The following UBR4 variants were observed in gnomAD, a reference collection of about 807,000 sequenced individuals.
The protein encoded by UBR4 is E3 ubiquitin-protein ligase UBR4.
Under a neutral mutation model 575.6 loss-of-function variants are expected in UBR4, and 124 were observed. That is an observed-to-expected ratio of 0.22 (90% confidence interval 0.19 to 0.25). The LOEUF (loss-of-function observed/expected upper bound fraction) is 0.25, where lower values mean the gene tolerates loss of function less well. UBR4 is among the 10% of genes least tolerant of loss of function. UBR4 has a pLI of 1.00. For missense variants in UBR4, 4,818 were observed against 6,478.8 expected, an observed-to-expected ratio of 0.74 and a Z score of 8.80; for synonymous variants, 2,455 against 2,473.7, an observed-to-expected ratio of 0.99 and a Z score of 0.22.
intron 49 of UBR4, 52 bp downstream of exon 49, chr1:19,150,525 G>A (rs1000104443): frequency 2.7e-5 from 42 of 1,578,010 alleles, no homozygotes; most frequent in Non-Finnish European, 3.5e-5. Flanking sequence ...GGAAGGTTCT[G>A]CAGTGAGTGG....
Position 19,195,969 on chromosome 1 carries a change from T to TACACACAC in UBR4, c.1018+1164_1018+1171dup, listed in dbSNP as rs55820713. ...GCCATAAAACCTACAGACTTACTTA[T>TACACACAC]ACACACACACACACACACACACACA... On this transcript the variant is annotated intron_variant, in intron 8 of 105. Transcript: ENST00000375254. Among the ~76,000 whole-genome samples the TACACACAC allele has an allele frequency of 6.8e-3, 916 of 134,106 alleles. 9 individuals are homozygous for TACACACAC. The highest frequency in any genetic ancestry group is 7.7e-3 in the African/African-American group (267 of 34,750). 88.0% of individuals were successfully genotyped at this position (134,106 alleles called of 152,430 possible). A position where few individuals can be genotyped will look rare whatever the true frequency, so the allele number is the denominator to read the frequency against.
chr1:19,169,563 C>T (rs377056597), intron 26 of UBR4, 31 bp from the exon 27 acceptor site: 1 of 1,594,876 alleles, frequency 6.3e-7, no homozygotes. Flanking sequence ...AAGGAATCAT[C>T]ACAAGAAAGA....
rs539124780 is a variant in UBR4, at chr1:19,113,296, G to A, written c.11457+403C>T. The A allele has an allele frequency of 4.6e-5, 12 of 261,896 alleles. No individual in the cohort carries two copies. The East Asian group carries it at 1.0e-3, about 22-fold the overall frequency. 16.2% of individuals were successfully genotyped at this position (261,896 alleles called of 1,614,324 possible). Reference sequence around the variant, plus strand: ...GTCTGTGACATTGCAACTGACACAAGGCCCACCCTGGTTGATTGCAGTTGG... The same window carrying A: ...GTCTGTGACATTGCAACTGACACAAAGCCCACCCTGGTTGATTGCAGTTGG... On this transcript the variant is annotated intron_variant, in intron 77 of 105. Coordinates refer to ENST00000375254, the MANE Select transcript of UBR4 (RefSeq NM_020765.3).
Position 19,101,489 on chromosome 1 carries a change from C to T in UBR4, c.13023+31G>A, listed in dbSNP as rs200843638. On this transcript the variant is annotated intron_variant, in intron 88 of 105. Transcript: ENST00000375254. ...TGGCAAAGTGGGCTGTGCTGACACTCGAGAGCCATGGGAAGCACCGCACTG... is the reference window on the plus strand; with the variant it reads ...TGGCAAAGTGGGCTGTGCTGACACTTGAGAGCCATGGGAAGCACCGCACTG... The T allele has an allele frequency of 3.2e-6, 5 of 1,585,282 alleles. No individual in the cohort carries two copies. The Admixed American group carries it at 5.0e-5, about 16-fold the overall frequency.
At chr1:19,190,782 G>A (rs994316307) in intron 11 of UBR4, among the ~76,000 whole-genome samples, 5 of 152,096 alleles carry the variant, frequency 3.3e-5, no homozygotes, top group African/African-American at 1.2e-4. Context: ...CCCTATCCAA[G>A]TCACCTTCAT....
In UBR4 at chr1:19,137,816, T is replaced by A. The variant is rs186331726; in HGVS notation, c.8906+191A>T. 2.0e-5 allele frequency among the ~76,000 whole-genome samples: 3 copies of A among 152,350 alleles called. No homozygotes were observed. The East Asian group carries it at 5.8e-4, about 29-fold the overall frequency. On this transcript the variant is annotated intron_variant, in intron 60 of 105. Coordinates refer to ENST00000375254, the MANE Select transcript of UBR4 (RefSeq NM_020765.3). ...CACTTTCTATTCTCTCCGTAATTAA[T>A]ATAATTCGAAGACAAAGACAGACCT...
At chr1:19,183,581 C>G (rs1402303504) in intron 17 of UBR4, among the ~76,000 whole-genome samples, 2 of 152,046 alleles carry the variant, frequency 1.3e-5, no homozygotes, top group African/African-American at 4.8e-5. Context: ...AATTAGCCAG[C>G]CATGGTGGCA....
intron 48 of UBR4, chr1:19,151,129 G>A: frequency 5.3e-6 from 2 of 378,336 alleles, no homozygotes; most frequent in South Asian, 6.1e-5. Flanking sequence ...TACAGATCAT[G>A]ATCATTCACA....
chr1:19,201,642 G>T, intron 2 of UBR4, 76 bp downstream of exon 2: 1 of 1,313,468 alleles, frequency 7.6e-7, no homozygotes, highest in Non-Finnish European at 1.1e-6. Flanking sequence ...AACTTTTTCA[G>T]ATACACTAAC....
chr1:19,207,242 T>A (rs2151846855), intron 1 of UBR4, among the ~76,000 whole-genome samples: 1 of 152,358 alleles, frequency 6.6e-6, no homozygotes, highest in South Asian at 2.1e-4. Context: ...CACCTCAGCA[T>A]CTACAGTGTT....
At chr1:19,134,903 C>G (rs1453156589) in intron 60 of UBR4, among the ~76,000 whole-genome samples, 2 of 152,126 alleles carry the variant, frequency 1.3e-5, no homozygotes, top group Non-Finnish European at 1.5e-5. Flanking sequence ...AATCTTAATA[C>G]TGAGAAGAGG....
chr1:19,132,689 C>A (rs1331280537), intron 60 of UBR4, among the ~76,000 whole-genome samples: 4 of 122,508 alleles, frequency 3.3e-5, no homozygotes, highest in African/African-American at 1.3e-4. Context: ...CAGAAAAAAA[C>A]CAGAACCAAA....
intron 17 of UBR4, among the ~76,000 whole-genome samples, chr1:19,183,556 T>C (rs1045007948): frequency 6.6e-6 from 1 of 152,156 alleles, no homozygotes; most frequent in Admixed American, 6.5e-5. Flanking sequence ...ACCCTGTCTC[T>C]ACTAAAAATA....
intron 50 of UBR4, 128 bp downstream of exon 50, chr1:19,148,435 G>A: frequency 8.0e-7 from 1 of 1,249,150 alleles, no homozygotes; most frequent in Non-Finnish European, 1.1e-6. Flanking sequence ...CTTCTCTGGA[G>A]CTTCTTAGCA....
Position 19,119,576 on chromosome 1 carries a change from G to A in UBR4, c.10436C>T (p.Thr3479Ile). The A allele has an allele frequency of 6.2e-7, 1 of 1,613,668 alleles. No homozygotes were observed. Among genetic ancestry groups the A allele is most frequent in the Non-Finnish European group, 8.5e-7 (1 of 1,179,572 alleles). Reference sequence around the variant, plus strand: ...TGTTACCTTCTTCTCTGTTTGTGGAGTTTTCAGGGAGAAATATCCTAGTAG... The same window carrying A: ...TGTTACCTTCTTCTCTGTTTGTGGAATTTTCAGGGAGAAATATCCTAGTAG... ...VDLLGYFSLKTPQTEKKLKEY... is the reference protein window; with the variant it reads ...VDLLGYFSLKIPQTEKKLKEY... Residue 3479 changes from threonine (T) to isoleucine (I), a missense_variant, in exon 70 of 106, where the codon ACT (threonine) becomes ATT (isoleucine). Coordinates refer to ENST00000375254, the MANE Select transcript of UBR4 (RefSeq NM_020765.3).
At chr1:19,076,115 G>A (rs972784128) in intron 105 of UBR4, among the ~76,000 whole-genome samples, 1 of 152,224 alleles carries the variant, frequency 6.6e-6, no homozygotes, top group African/African-American at 2.4e-5. Flanking sequence ...GCTTGGTTAT[G>A]AAATACAAAC....
At chr1:19,150,948 C>T (rs941260400) in intron 48 of UBR4, 155 bp from the exon 49 acceptor site, 3 of 759,948 alleles carry the variant, frequency 3.9e-6, no homozygotes, top group South Asian at 1.8e-5. Context: ...GCACTTTAAT[C>T]GTGTATATAT....
chr1:19,180,462 C>T (rs2090808963), intron 17 of UBR4, among the ~76,000 whole-genome samples: 1 of 151,086 alleles, frequency 6.6e-6, no homozygotes, highest in Admixed American at 6.6e-5. Context: ...GGCGCCCAGC[C>T]TCTAAAACCA....
intron 64 of UBR4, among the ~76,000 whole-genome samples, 174 bp downstream of exon 64, chr1:19,126,272 G>C (rs1014570233): frequency 6.6e-6 from 1 of 152,174 alleles, no homozygotes; most frequent in Non-Finnish European, 1.5e-5. Flanking sequence ...TCCCACAGAA[G>C]GTTGGGAGAA....
Sources: gnomAD v4.1 joint callset for allele counts (sites outside exome capture counted in the v4.1 genomes callset) on GRCh38, gnomAD v4.1.1 for gene constraint, MANE v1.5 for transcripts, NCBI Gene and HGNC (gene_info 2026-07-23, HGNC 2026-07-21) for gene names.